KYNU: variants seen among roughly 807,000 people sequenced by gnomAD.
The protein encoded by KYNU is L-kynurenine hydrolase.
Under a neutral mutation model 59.2 loss-of-function variants are expected in KYNU, and 54 were observed. That is an observed-to-expected ratio of 0.91 (90% CI 0.73 to 1.14). KYNU has a LOEUF of 1.14. KYNU is among the 50% of genes most tolerant of loss of function. The pLI, the probability that KYNU is intolerant of heterozygous loss-of-function variation, is 0.00. For missense variants in KYNU, 567 were observed against 554.4 expected, an observed-to-expected ratio of 1.02 and a Z score of -0.23; for synonymous variants, 177 against 192.0, an observed-to-expected ratio of 0.92 and a Z score of 0.65.
At chr2:142,943,819 C>T (rs966911104) in intron 4 of KYNU, among the ~76,000 whole-genome samples, 1 of 152,154 alleles carries the variant, frequency 6.6e-6, no homozygotes, top group Non-Finnish European at 1.5e-5. Context: ...AAATTTGTTA[C>T]TTGAAAAATG....
At chr2:142,923,102 T>C (rs946305084) in intron 3 of KYNU, among the ~76,000 whole-genome samples, 7 of 152,322 alleles carry the variant, frequency 4.6e-5, no homozygotes, top group Admixed American at 3.9e-4. Context: ...TCCTAAAGAC[T>C]CTACCTCTTA....
intron 4 of KYNU, among the ~76,000 whole-genome samples, chr2:142,931,224 C>T (rs1389284773): frequency 1.3e-5 from 2 of 152,182 alleles, no homozygotes; most frequent in African/African-American, 4.8e-5. Context: ...GCTTTCAGGC[C>T]TCAGGGAGAA....
intron 8 of KYNU, among the ~76,000 whole-genome samples, chr2:142,972,803 T>C (rs1003003385): frequency 3.6e-5 from 5 of 138,536 alleles, no homozygotes; most frequent in Non-Finnish European, 3.1e-5. Context: ...TATATATATA[T>C]ATATATATAT....
At chr2:142,898,809 T>C (rs1251112994) in intron 2 of KYNU, among the ~76,000 whole-genome samples, 1 of 152,104 alleles carries the variant, frequency 6.6e-6, no homozygotes, top group Non-Finnish European at 1.5e-5. Flanking sequence ...TCTTGGGCCA[T>C]GCGGTGAGTG....
At chr2:142,979,262 T>C (rs866281225) in intron 8 of KYNU, among the ~76,000 whole-genome samples, 4 of 152,296 alleles carry the variant, frequency 2.6e-5, no homozygotes, top group South Asian at 4.1e-4. Context: ...TGCAATAAAA[T>C]TGCATCAGAA....
chr2:142,908,671 G>A (rs1382390026), intron 2 of KYNU, among the ~76,000 whole-genome samples: 1 of 150,334 alleles, frequency 6.7e-6, no homozygotes, highest in South Asian at 2.1e-4. Flanking sequence ...GTCTTGCTCT[G>A]TTGCCCAGGC....
chr2:142,938,603 G>A (rs1239514149), intron 4 of KYNU, among the ~76,000 whole-genome samples: 2 of 152,178 alleles, frequency 1.3e-5, no homozygotes, highest in Non-Finnish European at 2.9e-5. Context: ...AGTTCACTAT[G>A]CACAGAGAAA....
At chr2:143,032,043 C>A (rs1471715934) in intron 11 of KYNU, among the ~76,000 whole-genome samples, 1 of 151,950 alleles carries the variant, frequency 6.6e-6, no homozygotes, top group Non-Finnish European at 1.5e-5. Context: ...TTTGGGAGGC[C>A]AAGGCGGGCG....
intron 2 of KYNU, among the ~76,000 whole-genome samples, chr2:142,911,310 T>C (rs11692509): frequency 0.37 from 55,629 of 151,986 alleles, 10,507 homozygotes; most frequent in South Asian, 0.56. Flanking sequence ...AGTGTTTTAC[T>C]GTTTTTTCGC....
chr2:142,882,298 C>G (rs1469558728), intron 1 of KYNU, among the ~76,000 whole-genome samples: 1 of 151,992 alleles, frequency 6.6e-6, no homozygotes, highest in African/African-American at 2.4e-5. Context: ...TCCTGAACTA[C>G]TGTGTTATCC....
intron 9 of KYNU, 88 bp downstream of exon 9, chr2:142,985,270 G>A (rs1685166899): frequency 4.9e-6 from 4 of 810,340 alleles, no homozygotes; most frequent in Non-Finnish European, 8.8e-6. Context: ...CAATTTTAAA[G>A]ATTTGAGTTA....
At chr2:142,944,774 T>G (rs951900310) in intron 4 of KYNU, among the ~76,000 whole-genome samples, 17 of 152,340 alleles carry the variant, frequency 1.1e-4, no homozygotes, top group Non-Finnish European at 1.8e-4. Context: ...GCCAATTAGG[T>G]AAATAATCTT....
At chr2:142,926,379 T>C (rs1310839102) in intron 3 of KYNU, among the ~76,000 whole-genome samples, 3 of 152,328 alleles carry the variant, frequency 2.0e-5, no homozygotes, top group Non-Finnish European at 4.4e-5. Context: ...TTTTAAAATA[T>C]TGCATAATTC....
chr2:143,022,472 A>G (rs1003956232), intron 10 of KYNU, among the ~76,000 whole-genome samples: 2 of 152,006 alleles, frequency 1.3e-5, no homozygotes, highest in Admixed American at 1.3e-4. Context: ...TATGTATGCA[A>G]TCCTAACCTA....
intron 6 of KYNU, among the ~76,000 whole-genome samples, 160 bp downstream of exon 6, chr2:142,956,434 C>G (rs1412277108): frequency 6.6e-6 from 1 of 152,068 alleles, no homozygotes; most frequent in African/African-American, 2.4e-5. Flanking sequence ...TAGATTATAG[C>G]TTTATTTCTT....
rs1038705368 is a variant in KYNU at position 143,040,365 on chromosome 2, CTT to C, written c.1042-62_1042-61del. The C allele has an allele frequency of 2.6e-6, 3 of 1,150,580 alleles. No individual in the cohort carries two copies. The African/African-American group carries it at 4.6e-5, about 17-fold the overall frequency. 71.3% of individuals were successfully genotyped at this position (1,150,580 alleles called of 1,614,324 possible). A position where few individuals can be genotyped will look rare whatever the true frequency, so the allele number is the denominator to read the frequency against. On this transcript the variant is annotated intron_variant, in intron 12 of 13. Coordinates refer to ENST00000264170, the MANE Select transcript of KYNU (RefSeq NM_003937.3). The stretch of plus-strand genomic sequence containing the variant: ...ATTTCCTTTTTATGCATGATTTACT[CTT>C]AATTTTTGCTTCTTTGTAAATCAAT...
At chr2:142,993,194 G>T (rs1329676555) in intron 10 of KYNU, among the ~76,000 whole-genome samples, 3 of 149,910 alleles carry the variant, frequency 2.0e-5, no homozygotes, top group Non-Finnish European at 4.5e-5. Context: ...AATTTAAGGG[G>T]ATATAAAAAA....
intron 13 of KYNU, among the ~76,000 whole-genome samples, chr2:143,041,557 G>A (rs1176776326): frequency 6.6e-6 from 1 of 151,974 alleles, no homozygotes; most frequent in Non-Finnish European, 1.5e-5. Context: ...TAACCATAGT[G>A]ATCTCTAGGC....
At chr2:142,942,572 T>G (rs1009372288) in intron 4 of KYNU, among the ~76,000 whole-genome samples, 1 of 152,212 alleles carries the variant, frequency 6.6e-6, no homozygotes, top group Non-Finnish European at 1.5e-5. Flanking sequence ...CATATGGGTC[T>G]GCAGCAACCT....
Sources: allele counts gnomAD v4.1 joint callset (sites outside exome capture counted in the v4.1 genomes callset), GRCh38; gene constraint gnomAD v4.1.1; transcripts MANE v1.5; gene names NCBI Gene and HGNC (gene_info 2026-07-23, HGNC 2026-07-21).